The following CYRIA variants were observed in gnomAD, a reference collection of about 807,000 sequenced individuals.
CYRIA encodes the protein CYFIP related Rac1 interactor A, also known as CYFIP-related Rac1 interactor A.
A neutral mutation model predicts 43.9 loss-of-function variants in CYRIA; 15 were observed. That is an observed-to-expected ratio of 0.34 (90% confidence interval 0.23 to 0.53). The LOEUF (loss-of-function observed/expected upper bound fraction) is 0.53, where lower values mean the gene tolerates loss of function less well. Among genes scored for constraint, CYRIA ranks in the 20% least tolerant of loss-of-function variants. The pLI is 0.94. For missense variants in CYRIA, 236 were observed against 394.2 expected, an observed-to-expected ratio of 0.60 and a Z score of 3.40; for synonymous variants, 117 against 136.0, an observed-to-expected ratio of 0.86 and a Z score of 0.97.
chr2:16,644,059 C>T (rs962210774), intron 1 of CYRIA, among the ~76,000 whole-genome samples: 1 of 152,198 alleles, frequency 6.6e-6, no homozygotes, highest in African/African-American at 2.4e-5. Flanking sequence ...GCTGCCAAGC[C>T]AGAGGTTCAG....
chr2:16,590,421 T>C (rs1324881432), intron 2 of CYRIA, among the ~76,000 whole-genome samples: 3 of 152,176 alleles, frequency 2.0e-5, no homozygotes, highest in Admixed American at 6.5e-5. Context: ...TCATACAAAG[T>C]GCTTTGATGG....
chr2:16,561,394 GA>G lies in CYRIA; in HGVS notation c.513+61del, dbSNP rs1553338989. 63 of 1,523,248 alleles carry G rather than the reference GA, an allele frequency of 4.1e-5. 1 individual carries two copies. The Middle Eastern group carries it at 1.2e-3, about 29-fold the overall frequency. The allele number at this position is 1,523,248 out of a possible 1,614,324, so 94.4% of individuals were successfully genotyped here. On this transcript the variant is annotated intron_variant, in intron 7 of 11. Coordinates refer to ENST00000381323, the MANE Select transcript of CYRIA (RefSeq NM_030797.4). ...ATTGTCTTCTGTCTGTGCTCTGCCT[GA>G]TGCAGAAATCAAAAGAGTCATGGAG...
intron 2 of CYRIA, among the ~76,000 whole-genome samples, chr2:16,614,783 T>C (rs1190096845): frequency 6.6e-6 from 1 of 152,222 alleles, no homozygotes; most frequent in East Asian, 1.9e-4. Flanking sequence ...AGCAGCTGTA[T>C]GGCCTTGGCA....
intron 1 of CYRIA, among the ~76,000 whole-genome samples, chr2:16,644,634 T>A (rs1170488431): frequency 2.0e-5 from 3 of 152,226 alleles, no homozygotes; most frequent in African/African-American, 7.2e-5. Context: ...TTCAGAAGCA[T>A]GATTGGGGCT....
rs143116899 is a variant in CYRIA at position 16,641,963 on chromosome 2, G to T, written c.-166-17944C>A. On this transcript the variant is annotated intron_variant, in intron 1 of 11. Transcript: ENST00000381323. ...TTTACTTGATCTCTAGGAGGTCAGG[G>T]TCTCTTAATTTTCCTTCTAGTCAAT... 6.7e-3 allele frequency among the ~76,000 whole-genome samples: 1,021 copies of T among 152,174 alleles called. 12 individuals are homozygous for T. Among genetic ancestry groups the T allele is most frequent in the South Asian group, 0.039 (188 of 4,820 alleles).
chr2:16,556,962 G>C (rs1044816613), intron 10 of CYRIA, among the ~76,000 whole-genome samples: 2 of 152,122 alleles, frequency 1.3e-5, no homozygotes, highest in African/African-American at 4.8e-5. Context: ...AGGTTTGTGG[G>C]GGGAGGGGAA....
chr2:16,558,613 A>G (rs1459548054), intron 10 of CYRIA, among the ~76,000 whole-genome samples: 5 of 152,214 alleles, frequency 3.3e-5, no homozygotes, highest in Non-Finnish European at 7.4e-5. Flanking sequence ...GCTTTATGCC[A>G]CAATCAACAG....
intron 3 of CYRIA, among the ~76,000 whole-genome samples, chr2:16,578,712 T>C (rs1431993483): frequency 6.6e-6 from 1 of 152,050 alleles, no homozygotes; most frequent in Non-Finnish European, 1.5e-5. Context: ...ATAAAAATTA[T>C]ACAAACTGTA....
intron 1 of CYRIA, among the ~76,000 whole-genome samples, chr2:16,655,100 G>C (rs1181909271): frequency 6.6e-6 from 1 of 152,176 alleles, no homozygotes; most frequent in African/African-American, 2.4e-5. Context: ...AAAAACAGGA[G>C]ATATGCACTT....
At chr2:16,635,011 T>C (rs992555466) in intron 1 of CYRIA, among the ~76,000 whole-genome samples, 3 of 152,258 alleles carry the variant, frequency 2.0e-5, no homozygotes, top group African/African-American at 7.2e-5. Flanking sequence ...GCTAAAGCTC[T>C]ACCGCCAACT....
intron 4 of CYRIA, among the ~76,000 whole-genome samples, chr2:16,565,319 GA>G (rs1353410347): frequency 6.6e-6 from 1 of 151,956 alleles, no homozygotes; most frequent in Non-Finnish European, 1.5e-5. Context: ...AAGTAGCAGG[GA>G]TTAAAGGCAC....
chr2:16,599,778 A>G (rs186213735), intron 2 of CYRIA, among the ~76,000 whole-genome samples: 1 of 151,992 alleles, frequency 6.6e-6, no homozygotes, highest in East Asian at 1.9e-4. Flanking sequence ...TTTTTTTGAG[A>G]CAGAGTCTCA....
At chr2:16,635,358 A>G (rs562980329) in intron 1 of CYRIA, among the ~76,000 whole-genome samples, 12 of 152,340 alleles carry the variant, frequency 7.9e-5, no homozygotes, top group African/African-American at 2.4e-4. Context: ...GGAAAATAAA[A>G]GGAGTCAGCT....
chr2:16,640,457 CTTCCATCTTCTGGCACAAT>C (rs1396766012), intron 1 of CYRIA, among the ~76,000 whole-genome samples: 1 of 152,226 alleles, frequency 6.6e-6, no homozygotes, highest in Non-Finnish European at 1.5e-5. Context: ...ATTGAGAGGG[CTTCCATCTTCTGGCACAAT>C]TGGCCAAGCG....
In CYRIA at chr2:16,623,922, T is replaced by C. The variant is rs947507166; in HGVS notation, c.-69A>G. 8.5e-5 allele frequency: 13 copies of C among 152,250 alleles called. No homozygotes were observed. The highest frequency in any genetic ancestry group is 2.7e-4 in the African/African-American group (11 of 41,464). The allele number at this position is 152,250 out of a possible 1,614,324, so 9.4% of individuals were successfully genotyped here. ...TCCAGGCTGATGGGATGAACCAGCT[T>C]AGCTGCTGTCTGGCCAAAGTAAGTT... On this transcript the variant is annotated 5_prime_UTR_variant, in exon 2 of 12. Coordinates refer to ENST00000381323, the MANE Select transcript of CYRIA (RefSeq NM_030797.4).
intron 10 of CYRIA, among the ~76,000 whole-genome samples, chr2:16,556,850 T>C: frequency 6.6e-6 from 1 of 151,910 alleles, no homozygotes; most frequent in Non-Finnish European, 1.5e-5. Flanking sequence ...AGATATGGGG[T>C]GAAGAAGCCA....
At chr2:16,645,469 C>G (rs1047266652) in intron 1 of CYRIA, among the ~76,000 whole-genome samples, 2 of 152,162 alleles carry the variant, frequency 1.3e-5, no homozygotes, top group African/African-American at 4.8e-5. Flanking sequence ...ACGGCTAGTG[C>G]AGTATCTGAT....
intron 10 of CYRIA, among the ~76,000 whole-genome samples, chr2:16,556,096 A>G (rs1666501289): frequency 1.3e-5 from 2 of 152,058 alleles, no homozygotes; most frequent in African/African-American, 2.4e-5. Flanking sequence ...ATGCTGTTAT[A>G]TATTGGATTT....
intron 3 of CYRIA, among the ~76,000 whole-genome samples, chr2:16,580,453 A>T (rs572910327): frequency 6.6e-6 from 1 of 152,352 alleles, no homozygotes; most frequent in African/African-American, 2.4e-5. Context: ...CAGCACTTTT[A>T]TATTAAAAAC....
Sources: gnomAD v4.1 joint callset for allele counts (sites outside exome capture counted in the v4.1 genomes callset) on GRCh38, gnomAD v4.1.1 for gene constraint, MANE v1.5 for transcripts, NCBI Gene and HGNC (gene_info 2026-07-23, HGNC 2026-07-21) for gene names.